Variants in DCAF10 observed in about 807,000 individuals in gnomAD.
DCAF10 encodes the protein DDB1 and CUL4 associated factor 10, also known as DDB1- and CUL4-associated factor 10.
Under a neutral mutation model 51.9 loss-of-function variants are expected in DCAF10, and 19 were observed. That is an observed-to-expected ratio of 0.37 (90% CI 0.26 to 0.54). The LOEUF is 0.54. Among genes scored for constraint, DCAF10 ranks in the 20% least tolerant of loss-of-function variants. DCAF10 has a pLI of 0.87. For synonymous variants in DCAF10, 291 were observed against 297.1 expected, an observed-to-expected ratio of 0.98 and a Z score of 0.21; for missense variants, 510 against 730.6, an observed-to-expected ratio of 0.70 and a Z score of 3.48.
rs372664140 is a variant in DCAF10, at chr9:37,816,659, G to GGGGTGTGTGTGTGTGTGTGTGT, written c.540-2628_540-2627insGGTGTGTGTGTGTGTGTGTGTG. 1.5e-3 allele frequency among the ~76,000 whole-genome samples: 212 copies of GGGGTGTGTGTGTGTGTGTGTGT among 144,976 alleles called. 1 individual carries two copies. In the Middle Eastern group the frequency reaches 0.022, roughly 15 times the overall value. On this transcript the variant is annotated intron_variant, in intron 1 of 6. Coordinates refer to ENST00000377724, the MANE Select transcript of DCAF10 (RefSeq NM_024345.5). ...AATCTCAATTAACATCTGCACCTGG[G>GGGGTGTGTGTGTGTGTGTGTGT]GTGTGTGTGTGTGTGTGTGTGTGTG...
At chr9:37,822,584 C>T (rs1829738373) in intron 2 of DCAF10, among the ~76,000 whole-genome samples, 1 of 151,804 alleles carries the variant, frequency 6.6e-6, no homozygotes, top group Non-Finnish European at 1.5e-5. Context: ...TATGTGGGAC[C>T]TAAGCTATGA....
intron 1 of DCAF10, among the ~76,000 whole-genome samples, chr9:37,807,349 G>A (rs754464991): frequency 1.3e-5 from 2 of 151,976 alleles, no homozygotes; most frequent in Non-Finnish European, 2.9e-5. Flanking sequence ...TTTTTTTAAC[G>A]TATCATGACT....
chr9:37,825,714 T>C (rs961265976), intron 2 of DCAF10, among the ~76,000 whole-genome samples: 2 of 152,128 alleles, frequency 1.3e-5, no homozygotes, highest in Admixed American at 6.5e-5. Flanking sequence ...CATGTACCCC[T>C]GAACTTAAAA....
At chr9:37,853,643 T>C (rs1252058852) in intron 3 of DCAF10, among the ~76,000 whole-genome samples, 2 of 151,698 alleles carry the variant, frequency 1.3e-5, no homozygotes, top group African/African-American at 4.9e-5. Context: ...TATCCTGTTA[T>C]ATGCTCAGGC....
intron 2 of DCAF10, among the ~76,000 whole-genome samples, chr9:37,839,130 C>T (rs752577633): frequency 2.0e-5 from 3 of 151,950 alleles, no homozygotes; most frequent in Non-Finnish European, 2.9e-5. Flanking sequence ...TCTCAGCTCA[C>T]TGCAACATCC....
intron 2 of DCAF10, among the ~76,000 whole-genome samples, chr9:37,838,129 ATAT>A (rs1281997140): frequency 6.6e-6 from 1 of 152,210 alleles, no homozygotes; most frequent in Non-Finnish European, 1.5e-5. Flanking sequence ...AAAAACGGAT[ATAT>A]TATCTTTAAA....
rs1000768520 is a variant in DCAF10 at position 37,829,558 on chromosome 9, C to A, written c.653+10157C>A. On this transcript the variant is annotated intron_variant, in intron 2 of 6. Transcript: ENST00000377724. The surrounding 1 kb of genome is among the most constrained non-coding windows in gnomAD (Gnocchi z 4.2). ...TACAAATAAAAATAACAGTAAATACCAAGTATTGGCAGAAAAATACTTGCT... is the reference window on the plus strand; with the variant it reads ...TACAAATAAAAATAACAGTAAATACAAAGTATTGGCAGAAAAATACTTGCT... Among the ~76,000 whole-genome samples the A allele has an allele frequency of 1.3e-5, 2 of 151,968 alleles. No homozygotes were observed. The highest frequency in any genetic ancestry group is 2.9e-5 in the Non-Finnish European group (2 of 67,998).
chr9:37,834,031 G>A (rs918387424), intron 2 of DCAF10, among the ~76,000 whole-genome samples: 7 of 151,852 alleles, frequency 4.6e-5, no homozygotes, highest in South Asian at 2.1e-4. Flanking sequence ...CCTCCGCCCC[G>A]CCAGCTCAAG....
chr9:37,863,481 C>T lies in DCAF10; in HGVS notation c.*1973C>T, dbSNP rs1337197042. On this transcript the variant is annotated 3_prime_UTR_variant, in exon 7 of 7. Transcript: ENST00000377724. ...GAATGGAATCATTTGCATTATTTGA[C>T]AAATGAGAGAAGTGACATGACTTGC... 6.6e-6 allele frequency: 1 copy of T among 151,966 alleles called. No individual in the cohort carries two copies. Among genetic ancestry groups the T allele is most frequent in the Non-Finnish European group, 1.5e-5 (1 of 67,996 alleles). The allele number at this position is 151,966 out of a possible 1,614,324, so 9.4% of individuals were successfully genotyped here. A position where few individuals can be genotyped will look rare whatever the true frequency, so the allele number is the denominator to read the frequency against.
chr9:37,828,459 G>GAAAAAA (rs369785016), intron 2 of DCAF10, among the ~76,000 whole-genome samples: 3 of 149,106 alleles, frequency 2.0e-5, no homozygotes, highest in South Asian at 4.1e-4. Flanking sequence ...AAAGAAAAAA[G>GAAAAAA]AAAAGGAAAA....
rs1366935772 is a variant in DCAF10 at position 37,866,713 on chromosome 9, GA to G, written c.*5208del. On this transcript the variant is annotated 3_prime_UTR_variant, in exon 7 of 7. Transcript: ENST00000377724. ...GTTCACAGTAACCTTCTAGATAATA[GA>G]AACTCCCAGTTAAAGCCTAGGCTAG... The G allele has an allele frequency of 6.6e-6, 1 of 152,570 alleles. No individual in the cohort carries two copies. The highest frequency in any genetic ancestry group is 1.9e-4 in the East Asian group (1 of 5,198). The allele number at this position is 152,570 out of a possible 1,614,324, so 9.5% of individuals were successfully genotyped here.
Position 37,852,178 on chromosome 9 carries a change from TAGTC to T in DCAF10, c.852-2599_852-2596del, listed in dbSNP as rs148838386. ...AAAAAAGATAAATTACGCAAAGTAA[TAGTC>T]AGACTAATAGCAGACTCACAAATAG... On this transcript the variant is annotated intron_variant, in intron 3 of 6. Coordinates refer to ENST00000377724, the MANE Select transcript of DCAF10 (RefSeq NM_024345.5). Among the ~76,000 whole-genome samples the T allele has an allele frequency of 7.4e-3, 1,128 of 152,276 alleles. 18 individuals are homozygous for T. The highest frequency in any genetic ancestry group is 0.026 in the African/African-American group (1,075 of 41,548).
intron 1 of DCAF10, among the ~76,000 whole-genome samples, chr9:37,817,248 T>A (rs1829569230): frequency 6.6e-6 from 1 of 152,224 alleles, no homozygotes; most frequent in African/African-American, 2.4e-5. Context: ...ATAATTTGAT[T>A]CAAACAAAGC....
At chr9:37,842,611 T>C (rs73449355) in intron 3 of DCAF10, among the ~76,000 whole-genome samples, 1,920 of 152,324 alleles carry the variant, frequency 0.013, 40 homozygotes, top group African/African-American at 0.044. Flanking sequence ...CTTCCCTCAA[T>C]TCTACATATA....
At chr9:37,846,968 A>G (rs994666148) in intron 3 of DCAF10, among the ~76,000 whole-genome samples, 2 of 152,094 alleles carry the variant, frequency 1.3e-5, no homozygotes, top group Non-Finnish European at 2.9e-5. Context: ...AATAGAAACT[A>G]CAGGGCTGGG....
intron 3 of DCAF10, among the ~76,000 whole-genome samples, chr9:37,851,187 T>C: frequency 6.6e-6 from 1 of 151,724 alleles, no homozygotes; most frequent in Non-Finnish European, 1.5e-5. Flanking sequence ...GAGGCTGCAG[T>C]GAACCGAGAT....
At chr9:37,832,281 A>G (rs1395862227) in intron 2 of DCAF10, 2 of 151,402 alleles carry the variant, frequency 1.3e-5, no homozygotes, top group Non-Finnish European at 2.9e-5. Context: ...AACAAGGTGA[A>G]ACCCCATCTC....
At chr9:37,856,528 A>G (rs1830853633) in intron 4 of DCAF10, among the ~76,000 whole-genome samples, 2 of 152,256 alleles carry the variant, frequency 1.3e-5, no homozygotes, top group African/African-American at 4.8e-5. Context: ...TTCTTAACAT[A>G]GGTATGGGAC....
At chr9:37,836,910 G>A (rs1173003629) in intron 2 of DCAF10, among the ~76,000 whole-genome samples, 2 of 151,990 alleles carry the variant, frequency 1.3e-5, no homozygotes, top group East Asian at 1.9e-4. Context: ...TCATTTAAGC[G>A]TTACATTTTG....
Sources: allele counts gnomAD v4.1 joint callset (sites outside exome capture counted in the v4.1 genomes callset), GRCh38; gene constraint gnomAD v4.1.1; non-coding constraint Gnocchi (gnomAD v3.1); transcripts MANE v1.5; gene names NCBI Gene and HGNC (gene_info 2026-07-23, HGNC 2026-07-21).